OR11A1: variants seen among roughly 807,000 people sequenced by gnomAD.
OR11A1 encodes olfactory receptor 11A1.
For synonymous variants in OR11A1, 158 were observed against 152.2 expected (o/e 1.04, Z -0.28); for missense variants, 380 against 378.2 (o/e 1.00, Z -0.04).
At chr6:29,454,298 G>T (rs941369096) in intron 1 of OR11A1, among the ~76,000 whole-genome samples, 4 of 152,062 alleles carry the variant, frequency 2.6e-5, no homozygotes, top group Non-Finnish European at 4.4e-5. Context: ...TCTTTCATTG[G>T]GTAGGGAAGA....
In OR11A1 at chr6:29,440,649, C is replaced by T. The variant is rs372158954; in HGVS notation, c.-388-8662G>A. ...CCTCCTCATCCTCTGCCCCTTTGGC[C>T]TCATCCTGGGCTCCTACGGGCGTAT... On this transcript the variant is annotated intron_variant, in intron 1 of 4. Coordinates refer to ENST00000377149, the MANE Select transcript of OR11A1 (RefSeq NM_001394828.1). 1.9e-6 allele frequency: 3 copies of T among 1,614,036 alleles called. No individual in the cohort carries two copies. In the African/African-American group the frequency reaches 4.0e-5, roughly 22 times the overall value.
At chr6:29,449,927 G>A (rs1179114547) in intron 1 of OR11A1, among the ~76,000 whole-genome samples, 1 of 152,094 alleles carries the variant, frequency 6.6e-6, no homozygotes, top group Non-Finnish European at 1.5e-5. Context: ...CTGAGTCACC[G>A]TGCCCGGCCC....
At chr6:29,442,174 T>C (rs1264348952) in intron 1 of OR11A1, among the ~76,000 whole-genome samples, 1 of 152,206 alleles carries the variant, frequency 6.6e-6, no homozygotes, top group Admixed American at 6.5e-5. Context: ...TCTTGAAATA[T>C]CAGTGGCATT....
intron 1 of OR11A1, among the ~76,000 whole-genome samples, chr6:29,443,728 C>A (rs1004442917): frequency 6.6e-6 from 1 of 152,174 alleles, no homozygotes; most frequent in Non-Finnish European, 1.5e-5. Flanking sequence ...TAAGTAATCA[C>A]TTTTCCTCTT....
intron 1 of OR11A1, among the ~76,000 whole-genome samples, chr6:29,443,543 AT>A (rs1444768379): frequency 1.3e-5 from 2 of 151,586 alleles, no homozygotes; most frequent in African/African-American, 4.9e-5. Context: ...ACAATTTTTT[AT>A]TTATTCACCT....
intron 1 of OR11A1, among the ~76,000 whole-genome samples, chr6:29,446,841 C>T (rs915586054): frequency 7.9e-5 from 12 of 152,148 alleles, no homozygotes; most frequent in Admixed American, 7.9e-4. Context: ...AAAGTAACTG[C>T]TGAGTTCTGA....
chr6:29,441,117 G>C (rs73398951), intron 1 of OR11A1: 19,472 of 591,378 alleles, frequency 0.033, 743 homozygotes, highest in African/African-American at 0.12. Flanking sequence ...GCGCTCCTCA[G>C]ACCCTCACAA....
At chr6:29,447,134 G>A (rs1328587732) in intron 1 of OR11A1, among the ~76,000 whole-genome samples, 2 of 151,930 alleles carry the variant, frequency 1.3e-5, no homozygotes, top group South Asian at 2.1e-4. Context: ...CCTAATTTCC[G>A]ACCCCAATAA....
At chr6:29,438,601 G>C (rs967595399) in intron 1 of OR11A1, among the ~76,000 whole-genome samples, 1 of 152,166 alleles carries the variant, frequency 6.6e-6, no homozygotes, top group African/African-American at 2.4e-5. Flanking sequence ...AGAACTAAGA[G>C]AAACCAATAG....
chr6:29,446,084 A>T (rs116678588), intron 1 of OR11A1, among the ~76,000 whole-genome samples: 5,941 of 152,286 alleles, frequency 0.039, 274 homozygotes, highest in African/African-American at 0.11. Context: ...TTCAAGCTTC[A>T]AAGATGCCAC....
intron 1 of OR11A1, among the ~76,000 whole-genome samples, chr6:29,445,005 ATTCT>A (rs1399710774): frequency 2.7e-5 from 4 of 150,912 alleles, no homozygotes; most frequent in East Asian, 1.9e-4. Flanking sequence ...AAGTATCCTC[ATTCT>A]TTCTTTCTTT....
At chr6:29,428,047 A>G (rs1310158266) in intron 4 of OR11A1, among the ~76,000 whole-genome samples, 1 of 152,150 alleles carries the variant, frequency 6.6e-6, no homozygotes, top group East Asian at 1.9e-4. Flanking sequence ...AATGTGTGCT[A>G]TATAGACATG....
At chr6:29,455,768 T>C (rs1273059339) in intron 1 of OR11A1, among the ~76,000 whole-genome samples, 1 of 143,854 alleles carries the variant, frequency 7.0e-6, no homozygotes, top group Non-Finnish European at 1.5e-5. Context: ...CCCAGCTACT[T>C]GGGAGGCTGG....
At position 29,427,599 on chromosome 6, in the gene OR11A1, C is replaced by T. The variant is rs1159112535; in HGVS notation, c.43G>A (p.Val15Ile). 6.2e-7 allele frequency: 1 copy of T among 1,612,092 alleles called. No homozygotes were observed. The highest frequency in any genetic ancestry group is 8.5e-7 in the Non-Finnish European group (1 of 1,179,582). The change falls in exon 5 of 5, where the codon GTC (valine) becomes ATC (isoleucine). Residue 15 changes from valine (V) to isoleucine (I), a missense_variant. Coordinates refer to ENST00000377149, the MANE Select transcript of OR11A1 (RefSeq NM_001394828.1). ...STGNETITEF[V>I]LLGFYDIPEL... ...GGGATGTCATAGAAGCCAAGGAGGA[C>T]AAATTCAGTAATAGTTTCGTTTCCT...
intron 1 of OR11A1, among the ~76,000 whole-genome samples, chr6:29,433,553 T>C (rs1446141758): frequency 6.6e-6 from 1 of 152,192 alleles, no homozygotes; most frequent in Non-Finnish European, 1.5e-5. Flanking sequence ...TATGCATATA[T>C]ACCACATTTT....
intron 4 of OR11A1, among the ~76,000 whole-genome samples, 139 bp downstream of exon 4, chr6:29,428,756 CAAAAAAAAAAAAAAAAAA>C (rs11424255): frequency 1.0e-4 from 5 of 47,876 alleles, no homozygotes; most frequent in Admixed American, 3.3e-4. Context: ...AACTCCATCT[CAAAAAAAAAAAAAAAAAA>C]AAAAAAAAAA....
At chr6:29,440,344 A>C in intron 1 of OR11A1, 1 of 1,614,032 alleles carries the variant, frequency 6.2e-7, no homozygotes, top group South Asian at 1.1e-5. Context: ...GGCGCCACGG[A>C]GTGCTGCCTC....
chr6:29,440,713 G>A (rs771138562), intron 1 of OR11A1: 11 of 1,613,782 alleles, frequency 6.8e-6, no homozygotes, highest in Middle Eastern at 1.6e-4. Context: ...GTTGCGGGCC[G>A]CCGCAAGGCC....
At chr6:29,439,844 G>A in intron 1 of OR11A1, 1 of 608,438 alleles carries the variant, frequency 1.6e-6, no homozygotes, top group Non-Finnish European at 2.9e-6. Flanking sequence ...GGTGGAATAT[G>A]GACTCCAGGC....
Sources: gnomAD v4.1 joint callset for allele counts (sites outside exome capture counted in the v4.1 genomes callset) on GRCh38, gnomAD v4.1.1 for gene constraint, MANE v1.5 for transcripts, NCBI Gene and HGNC (gene_info 2026-07-23, HGNC 2026-07-21) for gene names.